GTF3C3: variants seen among roughly 807,000 people sequenced by gnomAD.
GTF3C3 encodes the protein general transcription factor IIIC subunit 3.
GTF3C3 carries 75 observed loss-of-function variants against 105.2 expected under a neutral mutation model. The ratio of observed to expected loss-of-function variants is 0.71; its 90% CI spans 0.59 to 0.86. GTF3C3 has a LOEUF of 0.86. Among genes scored for constraint, GTF3C3 ranks in the 40% least tolerant of loss-of-function variants. The pLI is 0.00. For missense variants in GTF3C3, 856 were observed against 1,076.5 expected, an observed-to-expected ratio of 0.80 and a Z score of 2.87; for synonymous variants, 335 against 370.4, an observed-to-expected ratio of 0.90 and a Z score of 1.10.
chr2:196,774,244 G>C (rs2125741502), intron 13 of GTF3C3, among the ~76,000 whole-genome samples: 1 of 152,226 alleles, frequency 6.6e-6, no homozygotes, highest in East Asian at 1.9e-4. Flanking sequence ...CTGTATGTAT[G>C]AAAATGCTTA....
In GTF3C3 at chr2:196,778,945, A is replaced by G. The variant is rs1452422108; in HGVS notation, c.1341T>C (p.Leu447=). 3.1e-6 allele frequency: 5 copies of G among 1,614,028 alleles called. No individual in the cohort carries two copies. In the South Asian group the frequency reaches 5.5e-5, roughly 18 times the overall value. The change falls in exon 10 of 18, where the codon CTT becomes CTC. Residue 447 remains leucine (L), a synonymous_variant. Coordinates refer to ENST00000263956, the MANE Select transcript of GTF3C3 (RefSeq NM_012086.5). The stretch of plus-strand genomic sequence containing the variant: ...CAAGGTTGTATCTTTCAGAGCAAAC[A>G]AGAGCACTGAGGAGGGGAAGTGCAG... ...YNSALPLLSA[L]VCSERYNLAV...
chr2:196,769,062 A>T (rs1699123021), intron 16 of GTF3C3, among the ~76,000 whole-genome samples: 1 of 152,144 alleles, frequency 6.6e-6, no homozygotes, highest in Non-Finnish European at 1.5e-5. Flanking sequence ...ATAAGAATAT[A>T]AAAAAGGAAA....
chr2:196,764,801 A>C, intron 17 of GTF3C3, 116 bp from the exon 18 acceptor site: 1 of 794,436 alleles, frequency 1.3e-6, no homozygotes, highest in African/African-American at 2.0e-5. Flanking sequence ...ATTAAAGCTC[A>C]TGTACTAAAA....
At chr2:196,783,559 C>CTA (rs1699403950) in intron 8 of GTF3C3, among the ~76,000 whole-genome samples, 1 of 152,146 alleles carries the variant, frequency 6.6e-6, no homozygotes, top group African/African-American at 2.4e-5. Context: ...AATTTCTACT[C>CTA]CTTATTCTAC....
chr2:196,766,010 C>CAAAAA (rs11424716), intron 17 of GTF3C3, among the ~76,000 whole-genome samples: 1 of 87,134 alleles, frequency 1.1e-5, no homozygotes, highest in Non-Finnish European at 2.2e-5. Context: ...ACTCTGTCTC[C>CAAAAA]AAAAAAAAAA....
At chr2:196,772,529 T>C (rs571431997) in intron 14 of GTF3C3, among the ~76,000 whole-genome samples, 7 of 152,160 alleles carry the variant, frequency 4.6e-5, no homozygotes, top group South Asian at 2.1e-4. Context: ...GCCTGGGCAA[T>C]AGGAGCAAAA....
Position 196,766,713 on chromosome 2 carries a change from A to G in GTF3C3, c.2390T>C (p.Phe797Ser). The G allele has an allele frequency of 9.3e-6, 15 of 1,610,666 alleles. No homozygotes were observed. Among genetic ancestry groups the G allele is most frequent in the Non-Finnish European group, 1.3e-5 (15 of 1,178,482 alleles). The change falls in exon 17 of 18, where the codon TTT becomes TCT. Residue 797 changes from phenylalanine to serine, a missense_variant. By Grantham distance (155) the Phe-to-Ser change is radical (BLOSUM62 -2). Coordinates refer to ENST00000263956, the MANE Select transcript of GTF3C3 (RefSeq NM_012086.5). ...LRRHALIVQG[F>S]SFLNRYLSLR... ...ACTGAGGTATCGATTAAGAAAGGAA[A>G]AGCCCTAACCAAAAAGAAAAAGATA...
Position 196,779,066 on chromosome 2 carries a change from G to C in GTF3C3, c.1220C>G (p.Pro407Arg). ...VHLNILEPLN[P>R]LLTTLVEQNP... ...CTGTTCTACTAGTGTTGTCAAGAGAGGCTAGACCACAAATAAAAGCCCCAA... is the reference window on the plus strand; with the variant it reads ...CTGTTCTACTAGTGTTGTCAAGAGACGCTAGACCACAAATAAAAGCCCCAA... The change falls in exon 10 of 18, where the codon CCT (proline) becomes CGT (arginine). Residue 407 changes from proline (P) to arginine (R), a missense_variant and splice_region_variant. By Grantham distance (103) the Pro-to-Arg change is moderately radical. Around this residue, in one of 3 missense-constraint regions of GTF3C3, gnomAD observed 605 missense variants for 833.6 expected, o/e 0.73. Coordinates refer to ENST00000263956, the MANE Select transcript of GTF3C3 (RefSeq NM_012086.5). 1 of 1,611,444 alleles carries C rather than the reference G, an allele frequency of 6.2e-7. No homozygotes were observed. The highest frequency in any genetic ancestry group is 8.5e-7 in the Non-Finnish European group (1 of 1,178,206).
rs1559294775 is a variant in GTF3C3 at position 196,763,736 on chromosome 2, T to C, written c.*827A>G. ...AGCTAACAGTATATCATCTAAAAAGTACTGTTAACTTAAATTCAAGAACAT... is the reference window on the plus strand; with the variant it reads ...AGCTAACAGTATATCATCTAAAAAGCACTGTTAACTTAAATTCAAGAACAT... On this transcript the variant is annotated 3_prime_UTR_variant, in exon 18 of 18. Coordinates refer to ENST00000263956, the MANE Select transcript of GTF3C3 (RefSeq NM_012086.5). The C allele has an allele frequency of 6.6e-6, 1 of 152,222 alleles. No individual in the cohort carries two copies. 9.4% of individuals were successfully genotyped at this position (152,222 alleles called of 1,614,324 possible).
Position 196,776,211 on chromosome 2 carries a change from T to C in GTF3C3, c.1594-100A>G. The C allele has an allele frequency of 2.7e-6, 2 of 739,410 alleles. No homozygotes were observed. The highest frequency in any genetic ancestry group is 4.5e-6 in the Non-Finnish European group (2 of 443,610). 45.8% of individuals were successfully genotyped at this position (739,410 alleles called of 1,614,324 possible). On this transcript the variant is annotated intron_variant, in intron 11 of 17. Transcript: ENST00000263956. The surrounding 1 kb of genome is among the most constrained non-coding windows in gnomAD (Gnocchi z 4.5). ...TTTTTAAAAAAACAAACCATATTGC[T>C]TTATGGTCTTTCACAATAATTAAGA...
intron 16 of GTF3C3, among the ~76,000 whole-genome samples, chr2:196,769,112 T>C (rs1298344295): frequency 2.0e-5 from 3 of 152,096 alleles, no homozygotes; most frequent in Non-Finnish European, 4.4e-5. Flanking sequence ...TTAAAAAACT[T>C]ATTATAGAAA....
intron 1 of GTF3C3, among the ~76,000 whole-genome samples, chr2:196,798,125 T>C (rs1414861805): frequency 6.6e-6 from 1 of 152,178 alleles, no homozygotes; most frequent in East Asian, 1.9e-4. Flanking sequence ...TTGAATACTG[T>C]CAAAGCATTT....
At chr2:196,778,070 GCAC>G (rs1699287567) in intron 10 of GTF3C3, 1 of 152,182 alleles carries the variant, frequency 6.6e-6, no homozygotes, top group South Asian at 2.1e-4. Context: ...TGATGTGAGT[GCAC>G]TACTGCCCCA....
At chr2:196,777,217 G>C (rs1027454991) in intron 10 of GTF3C3, among the ~76,000 whole-genome samples, 3 of 152,128 alleles carry the variant, frequency 2.0e-5, no homozygotes, top group African/African-American at 7.2e-5. Flanking sequence ...TGCAGAGAAA[G>C]TGCCCTTTAG....
At position 196,776,732 on chromosome 2, in the gene GTF3C3, T is replaced by C; in HGVS notation, c.1391-103A>G. On this transcript the variant is annotated intron_variant, in intron 10 of 17. Coordinates refer to ENST00000263956, the MANE Select transcript of GTF3C3 (RefSeq NM_012086.5). This position sits in a 1 kb window ranked among gnomAD's most constrained non-coding sequence, Gnocchi z 4.5. ...AGAAATATAGCAATATAAAAAATTA[T>C]AACAAGAAATGAATGCGTATTTCTA... 1 of 740,580 alleles carries C rather than the reference T, an allele frequency of 1.4e-6. No individual in the cohort carries two copies. The highest frequency in any genetic ancestry group is 1.9e-5 in the South Asian group (1 of 53,418). 45.9% of individuals were successfully genotyped at this position (740,580 alleles called of 1,614,324 possible).
chr2:196,793,227 G>A, intron 2 of GTF3C3, 75 bp from the exon 3 acceptor site: 1 of 1,142,008 alleles, frequency 8.8e-7, no homozygotes, highest in Non-Finnish European at 1.3e-6. Context: ...TATTTTCTAA[G>A]TATAAATTTT....
chr2:196,787,151 A>G (rs535076725), intron 6 of GTF3C3, among the ~76,000 whole-genome samples: 3 of 152,150 alleles, frequency 2.0e-5, no homozygotes, highest in Non-Finnish European at 4.4e-5. Flanking sequence ...TCAGCCTTCA[A>G]AATACATACA....
rs77934559 is a variant in GTF3C3 at position 196,790,505 on chromosome 2, C to T, written c.536-435G>A. On this transcript the variant is annotated intron_variant, in intron 4 of 17. Coordinates refer to ENST00000263956, the MANE Select transcript of GTF3C3 (RefSeq NM_012086.5). ...ACCTAAGCAGCAGCTAAACGGATAT[C>T]AAAGTGACTGGCTAATCTACATTTC... Among the ~76,000 whole-genome samples the T allele has an allele frequency of 4.5e-3, 691 of 152,252 alleles. 18 individuals are homozygous for T. The East Asian group carries it at 0.046, about 10-fold the overall frequency.
intron 1 of GTF3C3, 24 bp from the exon 2 acceptor site, chr2:196,797,932 A>T: frequency 7.8e-7 from 1 of 1,275,596 alleles, no homozygotes; most frequent in Non-Finnish European, 1.1e-6. Context: ...TTAATTAATG[A>T]TTCCAAAAAA....
Sources: allele counts gnomAD v4.1 joint callset (sites outside exome capture counted in the v4.1 genomes callset), GRCh38; gene constraint gnomAD v4.1.1; regional missense constraint gnomAD v4.1.1; non-coding constraint Gnocchi (gnomAD v3.1); transcripts MANE v1.5; gene names NCBI Gene and HGNC (gene_info 2026-07-23, HGNC 2026-07-21).